TBC1D20: variants seen among roughly 807,000 people sequenced by gnomAD.
The protein encoded by TBC1D20 is chromosome 20 open reading frame 140.
A neutral mutation model predicts 41.6 loss-of-function variants in TBC1D20; 12 were observed. That is an observed-to-expected ratio of 0.29 (90% confidence interval 0.18 to 0.47). TBC1D20 has a LOEUF of 0.47. Ranked by LOEUF, TBC1D20 falls within the 20% of genes least tolerant of loss-of-function variation. The pLI, the probability that TBC1D20 is intolerant of heterozygous loss-of-function variation, is 1.00. For missense variants in TBC1D20, 421 were observed against 517.4 expected, an observed-to-expected ratio of 0.81 and a Z score of 1.81; for synonymous variants, 205 against 204.8, an observed-to-expected ratio of 1.00 and a Z score of -0.01.
chr20:448,575 G>A (rs2017381906), intron 1 of TBC1D20, among the ~76,000 whole-genome samples: 1 of 151,598 alleles, frequency 6.6e-6, no homozygotes, highest in African/African-American at 2.4e-5. Context: ...TGTAGTCCCA[G>A]CTACTCAGGA....
chr20:451,619 C>T (rs1420276838), intron 1 of TBC1D20, among the ~76,000 whole-genome samples: 1 of 152,148 alleles, frequency 6.6e-6, no homozygotes, highest in Admixed American at 6.5e-5. Flanking sequence ...TCAAGTTAAA[C>T]CCAAAGCAGC....
chr20:451,410 T>G (rs977061254), intron 1 of TBC1D20, among the ~76,000 whole-genome samples: 1 of 152,082 alleles, frequency 6.6e-6, no homozygotes, highest in Non-Finnish European at 1.5e-5. Flanking sequence ...TAGCCGGGCA[T>G]GGTGGCAGGC....
Position 441,947 on chromosome 20 carries a change from C to T in TBC1D20, c.434G>A (p.Gly145Asp). 1 of 1,614,002 alleles carries T rather than the reference C, an allele frequency of 6.2e-7. No individual in the cohort carries two copies. The highest frequency in any genetic ancestry group is 8.5e-7 in the Non-Finnish European group (1 of 1,179,976). The change falls in exon 4 of 8, where the codon GGC becomes GAC. Residue 145 changes from glycine (G) to aspartate (D), a missense_variant. Coordinates refer to ENST00000354200, the MANE Select transcript of TBC1D20 (RefSeq NM_144628.4). Reference protein sequence around the residue: ...ERNPQLHYYQGYHDIVVTFLL... With the variant: ...ERNPQLHYYQDYHDIVVTFLL... ...AAATGTGACCACAATGTCATGGTAG[C>T]CCTGGTAGTAGTGCAGCTGAGGGTT...
At chr20:458,984 C>T (rs1474682430) in intron 1 of TBC1D20, among the ~76,000 whole-genome samples, 1 of 152,158 alleles carries the variant, frequency 6.6e-6, no homozygotes, top group Non-Finnish European at 1.5e-5. Flanking sequence ...AAAGCACTCC[C>T]ACGTGTGCCA....
At chr20:455,859 G>A (rs1253145721) in intron 1 of TBC1D20, among the ~76,000 whole-genome samples, 1 of 152,164 alleles carries the variant, frequency 6.6e-6, no homozygotes, top group African/African-American at 2.4e-5. Flanking sequence ...TTGAACCCAA[G>A]AGGCGGAGGT....
chr20:444,456 T>C (rs1286309191), intron 3 of TBC1D20, among the ~76,000 whole-genome samples: 2 of 152,232 alleles, frequency 1.3e-5, no homozygotes. Flanking sequence ...CATGTGAGGT[T>C]TGTTGCCCAG....
At chr20:449,285 T>TTAAAAA (rs1298346679) in intron 1 of TBC1D20, among the ~76,000 whole-genome samples, 3 of 56,930 alleles carry the variant, frequency 5.3e-5, no homozygotes, top group African/African-American at 9.2e-5. Flanking sequence ...CCCAATACAT[T>TTAAAAA]AAAAAAAAAA....
At chr20:454,869 T>C (rs1196796971) in intron 1 of TBC1D20, among the ~76,000 whole-genome samples, 1 of 151,878 alleles carries the variant, frequency 6.6e-6, no homozygotes, top group Non-Finnish European at 1.5e-5. Flanking sequence ...AGAGACAGGG[T>C]TTCACCATGC....
intron 5 of TBC1D20, 133 bp from the exon 6 acceptor site, chr20:440,522 C>T: frequency 9.1e-7 from 1 of 1,093,788 alleles, no homozygotes; most frequent in Non-Finnish European, 1.3e-6. Flanking sequence ...AGGAATTCAG[C>T]ATCTTCTCCT....
chr20:440,829 G>A lies in TBC1D20; in HGVS notation c.627-440C>T, dbSNP rs112162008. On this transcript the variant is annotated intron_variant, in intron 5 of 7. Transcript: ENST00000354200. Reference sequence around the variant, plus strand: ...GTAGCTGCCAGACACGGTGAGTCACGCCTATAATCTCAGCACTTTGGGAGG... The same window carrying A: ...GTAGCTGCCAGACACGGTGAGTCACACCTATAATCTCAGCACTTTGGGAGG... 2.5e-4 allele frequency: 39 copies of A among 157,216 alleles called. 1 individual carries two copies. The highest frequency in any genetic ancestry group is 9.4e-4 in the African/African-American group (39 of 41,608). The allele number at this position is 157,216 out of a possible 1,614,324, so 9.7% of individuals were successfully genotyped here.
chr20:451,695 C>T (rs1003798661), intron 1 of TBC1D20, among the ~76,000 whole-genome samples: 2 of 152,158 alleles, frequency 1.3e-5, no homozygotes, highest in Non-Finnish European at 2.9e-5. Flanking sequence ...CTTCCTTTTC[C>T]TGCAAAGCCC....
intron 2 of TBC1D20, among the ~76,000 whole-genome samples, chr20:445,934 C>T (rs1456652447): frequency 6.6e-6 from 1 of 152,246 alleles, no homozygotes; most frequent in African/African-American, 2.4e-5. Flanking sequence ...ACTGCCTTAG[C>T]CTTCCAACAA....
chr20:453,445 C>T (rs1424142996), intron 1 of TBC1D20, among the ~76,000 whole-genome samples: 1 of 147,648 alleles, frequency 6.8e-6, no homozygotes, highest in Non-Finnish European at 1.5e-5. Context: ...TATGCCACTG[C>T]ACTCTAGCCT....
At position 462,483 on chromosome 20, in the gene TBC1D20, G is replaced by T. The variant is rs760601106; in HGVS notation, c.-78C>A. 3.4e-6 allele frequency: 3 copies of T among 872,372 alleles called. No individual in the cohort carries two copies. Among genetic ancestry groups the T allele is most frequent in the Non-Finnish European group, 4.4e-6 (3 of 677,664 alleles). The allele number at this position is 872,372 out of a possible 1,614,324, so 54.0% of individuals were successfully genotyped here. A position where few individuals can be genotyped will look rare whatever the true frequency, so the allele number is the denominator to read the frequency against. On this transcript the variant is annotated 5_prime_UTR_variant, in exon 1 of 8. The change creates a premature stop within an existing upstream ORF in the 5' untranslated region. Transcript: ENST00000354200. ...GAAGACGCGGCTCCGACCGCGGGAC[G>T]TAGCACCCGCTCGGCATCGGCAGGC...
chr20:458,814 A>G, intron 1 of TBC1D20, among the ~76,000 whole-genome samples: 1 of 152,292 alleles, frequency 6.6e-6, no homozygotes. Flanking sequence ...AGAACTCTCT[A>G]AACAGATCTG....
intron 1 of TBC1D20, among the ~76,000 whole-genome samples, chr20:459,639 TTTTATTTA>T (rs1010556697): frequency 7.9e-5 from 12 of 152,178 alleles, no homozygotes; most frequent in African/African-American, 2.2e-4. Context: ...GAACGCTTAT[TTTTATTTA>T]TTTATTTATT....
chr20:438,770 T>G lies in TBC1D20; in HGVS notation c.1028A>C (p.Gln343Pro). Residue 343 changes from glutamine to proline, a missense_variant, in exon 8 of 8, where the codon CAG (glutamine) becomes CCG (proline). Gln to Pro is a moderately conservative substitution (Grantham distance 76, BLOSUM62 -1). Transcript: ENST00000354200. ...AGGCCGCAGAAGTCCCCGAAACCGC[T>G]GCCGCAGCACCATATCAGGCCTCTG... ...AQQRPDMVLR[Q>P]RFRGLLRPED... is the part of the protein sequence containing the mutation. 1 of 1,614,200 alleles carries G rather than the reference T, an allele frequency of 6.2e-7. No homozygotes were observed. The highest frequency in any genetic ancestry group is 2.2e-5 in the East Asian group (1 of 44,886).
chr20:452,975 C>G (rs1006809813), intron 1 of TBC1D20, among the ~76,000 whole-genome samples: 1 of 151,586 alleles, frequency 6.6e-6, no homozygotes, highest in African/African-American at 2.4e-5. Flanking sequence ...CACGGAGAAA[C>G]CCCATCTCTA....
chr20:456,918 T>C (rs1285559243), intron 1 of TBC1D20, among the ~76,000 whole-genome samples: 1 of 147,896 alleles, frequency 6.8e-6, no homozygotes, highest in African/African-American at 2.5e-5. Flanking sequence ...GAATATATTC[T>C]GGATCCTTCT....
Sources: gnomAD v4.1 joint callset for allele counts (sites outside exome capture counted in the v4.1 genomes callset) on GRCh38, gnomAD v4.1.1 for gene constraint, MANE v1.5 for transcripts, NCBI Gene and HGNC (gene_info 2026-07-23, HGNC 2026-07-21) for gene names.